BRF1: variants seen among roughly 807,000 people sequenced by gnomAD.
BRF1 encodes transcription factor IIIB 90 kDa subunit.
In BRF1, 59 loss-of-function variants were observed where a neutral mutation model predicts 81.7. The ratio of observed to expected loss-of-function variants is 0.72; its 90% confidence interval spans 0.59 to 0.90. The LOEUF is 0.90. BRF1 is among the 40% of genes least tolerant of loss of function. The probability of loss-of-function intolerance (pLI) is 0.00; values close to 1 mark genes in which losing one functional copy is unlikely to be tolerated. For synonymous variants in BRF1, 491 were observed against 395.6 expected (o/e 1.24, Z -2.86); for missense variants, 1,050 against 936.3 (o/e 1.12, Z -1.58).
intron 5 of BRF1, among the ~76,000 whole-genome samples, chr14:105,245,234 G>A (rs2055002511): frequency 6.6e-6 from 1 of 152,110 alleles, no homozygotes; most frequent in South Asian, 2.1e-4. Context: ...GGTGGCAAGT[G>A]CCTGTAATCC....
At chr14:105,259,919 A>C (rs2056066754) in intron 3 of BRF1, among the ~76,000 whole-genome samples, 1 of 152,158 alleles carries the variant, frequency 6.6e-6, no homozygotes, top group African/African-American at 2.4e-5. Flanking sequence ...ACCAAAAAAA[A>C]AAGCATGTGA....
At chr14:105,221,593 G>C (rs751192872) in intron 11 of BRF1, 55 bp downstream of exon 11, 1 of 1,572,390 alleles carries the variant, frequency 6.4e-7, no homozygotes, top group African/African-American at 1.4e-5. Flanking sequence ...AGAGGCACAC[G>C]CCTGAAAGAT....
intron 8 of BRF1, 98 bp downstream of exon 8, chr14:105,226,536 T>TGGGATGG: frequency 6.3e-7 from 1 of 1,575,968 alleles, no homozygotes; most frequent in Admixed American, 1.8e-5. Context: ...TATGAGGCTT[T>TGGGATGG]GGGATGGCAC....
intron 12 of BRF1, 161 bp downstream of exon 12, chr14:105,219,908 G>A (rs587708812): frequency 2.3e-5 from 17 of 740,380 alleles, no homozygotes; most frequent in East Asian, 5.4e-5. Context: ...GTGTGGGGGG[G>A]GGTCCCGGGA....
rs34254291 is a variant in BRF1, at chr14:105,219,024, C to T, written c.1489G>A (p.Glu497Lys). 19 of 1,613,780 alleles carry T rather than the reference C, an allele frequency of 1.2e-5. No homozygotes were observed. The highest frequency in any genetic ancestry group is 1.6e-5 in the Non-Finnish European group (19 of 1,180,014). ...EKEARIAKEK[E>K]LGIYKEHKPK... ...TTGTGTTCCTTGTAGATGCCGAGCTCCTTCTCTTTCGCTATTCTTGCTTCT... is the reference window on the plus strand; with the variant it reads ...TTGTGTTCCTTGTAGATGCCGAGCTTCTTCTCTTTCGCTATTCTTGCTTCT... Residue 497 changes from glutamate (E) to lysine (K), a missense_variant, in exon 14 of 18, where the codon GAG (glutamate) becomes AAG (lysine). Physicochemically the swap from Glu to Lys is moderately conservative, Grantham distance 56. Transcript: ENST00000547530.
chr14:105,215,388 T>G (rs1476112075), intron 15 of BRF1, among the ~76,000 whole-genome samples: 2 of 150,532 alleles, frequency 1.3e-5, no homozygotes, highest in East Asian at 4.0e-4. Context: ...ACACCTGCAT[T>G]TGCACACAAA....
Position 105,220,148 on chromosome 14 carries a change from A to T in BRF1, c.1316-18T>A, listed in dbSNP as rs772374005. 6.2e-7 allele frequency: 1 copy of T among 1,613,204 alleles called. No individual in the cohort carries two copies. Among genetic ancestry groups the T allele is most frequent in the African/African-American group, 1.3e-5 (1 of 75,058 alleles). ...AGCATCTTCTGGAGGGAAGCACAGC[A>T]TCCGCGTCACTCAGGGCCAGCACTG... On this transcript the variant is annotated intron_variant, in intron 11 of 17. Transcript: ENST00000547530.
intron 4 of BRF1, among the ~76,000 whole-genome samples, chr14:105,255,217 A>G (rs1195454563): frequency 1.3e-5 from 2 of 152,260 alleles, no homozygotes; most frequent in Admixed American, 6.5e-5. Context: ...TTCCCTGGGA[A>G]GTCGTGGGGT....
intron 2 of BRF1, among the ~76,000 whole-genome samples, chr14:105,275,744 A>T (rs2056855709): frequency 6.6e-6 from 1 of 152,254 alleles, no homozygotes; most frequent in Admixed American, 6.5e-5. Flanking sequence ...TCTGACTCCT[A>T]AAATTCCTAT....
chr14:105,214,558 A>C (rs1021050370), intron 15 of BRF1, among the ~76,000 whole-genome samples: 1 of 151,718 alleles, frequency 6.6e-6, no homozygotes, highest in African/African-American at 2.4e-5. Flanking sequence ...TGAGTGGCCC[A>C]GCTCAGGTTC....
intron 1 of BRF1, among the ~76,000 whole-genome samples, chr14:105,288,281 T>C (rs1566867800): frequency 6.6e-6 from 1 of 151,442 alleles, no homozygotes; most frequent in Non-Finnish European, 1.5e-5. Flanking sequence ...GGTGAAACTC[T>C]GTCTCTACTA....
At chr14:105,251,398 C>T (rs977512622) in intron 5 of BRF1, among the ~76,000 whole-genome samples, 3 of 152,208 alleles carry the variant, frequency 2.0e-5, no homozygotes, top group African/African-American at 7.2e-5. Flanking sequence ...GTTCTGGACC[C>T]TGGGGACTGT....
chr14:105,314,227 G>A lies in BRF1; in HGVS notation c.-162+1095C>T, dbSNP rs192761952. On this transcript the variant is annotated intron_variant, in intron 1 of 17. Transcript: ENST00000327359. Reference sequence around the variant, plus strand: ...GGGGACGGGCGGGGCCCGCACAGCCGGGCCAACCCAGCGGGGGTCGGCAGG... The same window carrying A: ...GGGGACGGGCGGGGCCCGCACAGCCAGGCCAACCCAGCGGGGGTCGGCAGG... Among the ~76,000 whole-genome samples, 6,283 of 151,944 alleles carry A rather than the reference G, an allele frequency of 0.041. 484 individuals carry two copies. The highest frequency in any genetic ancestry group is 0.14 in the African/African-American group (5,915 of 41,440).
rs760245832 is a variant in BRF1, at chr14:105,272,808, C to T, written c.352G>A (p.Val118Met). The T allele has an allele frequency of 8.1e-6, 13 of 1,614,044 alleles. No individual in the cohort carries two copies. The highest frequency in any genetic ancestry group is 1.3e-5 in the African/African-American group (1 of 75,052). Residue 118 changes from valine (V) to methionine (M), a missense_variant, in exon 3 of 18, where the codon GTG becomes ATG. Transcript: ENST00000547530. ...DTAFNFFKMA[V>M]SRHLTRGRKM... ...CGGCCGCGGGTCAGGTGCCTGCTCA[C>T]GGCCATCTTGAAGAAGTTGAAGGCG...
In BRF1 at chr14:105,226,281, C is replaced by T. The variant is rs773221690; in HGVS notation, c.925G>A (p.Val309Ile). 1 of 1,614,040 alleles carries T rather than the reference C, an allele frequency of 6.2e-7. No homozygotes were observed. Among genetic ancestry groups the T allele is most frequent in the South Asian group, 1.1e-5 (1 of 91,084 alleles). The change falls in exon 9 of 18, where the codon GTC (valine) becomes ATC (isoleucine). Residue 309 changes from valine to isoleucine, a missense_variant. By Grantham distance (29) the Val-to-Ile change is conservative (BLOSUM62 3). This residue lies in a region of BRF1 where 1,043 missense variants were observed against 915.4 expected (regional missense o/e 1.14). Transcript: ENST00000547530. The part of the protein sequence containing the change: ...RKLRMKQLEQ[V>I]LSKKLEEVEG... ...ACCTCCTCCAGTTTTTTTGACAGGA[C>T]TTGTTCAAGCTGAAAGGGAACAGGG...
At chr14:105,314,257 A>G (rs1438146263) in intron 1 of BRF1, among the ~76,000 whole-genome samples, 1 of 151,266 alleles carries the variant, frequency 6.6e-6, no homozygotes. Flanking sequence ...GGCAGGAGAC[A>G]AGGGGCGGCG....
In BRF1 at chr14:105,210,514, C is replaced by T. The variant is rs375980910; in HGVS notation, c.*37G>A. The T allele has an allele frequency of 3.7e-5, 60 of 1,607,658 alleles. No individual in the cohort carries two copies. The highest frequency in any genetic ancestry group is 4.8e-5 in the Non-Finnish European group (57 of 1,179,312). On this transcript the variant is annotated 3_prime_UTR_variant, in exon 18 of 18. Transcript: ENST00000547530. This position sits in a 1 kb window ranked among gnomAD's most constrained non-coding sequence, Gnocchi z 4.7. Reference sequence around the variant, plus strand: ...TCTGATGCTGAGGAGACCCGCGAGGCCCCCTGCCAGGACATCACCTGCCTG... The same window carrying T: ...TCTGATGCTGAGGAGACCCGCGAGGTCCCCTGCCAGGACATCACCTGCCTG...
upstream of BRF1, among the ~76,000 whole-genome samples, chr14:105,303,465 G>C (rs1435557897): frequency 6.6e-6 from 1 of 151,886 alleles, no homozygotes; most frequent in Non-Finnish European, 1.5e-5. Context: ...GGATGGTCTT[G>C]ATCTCCTGAC....
At chr14:105,257,470 C>G (rs1595404504) in intron 3 of BRF1, among the ~76,000 whole-genome samples, 1 of 152,220 alleles carries the variant, frequency 6.6e-6, no homozygotes, top group East Asian at 1.9e-4. Context: ...CCATGCAGAA[C>G]AGCAAGGCCT....
Sources: allele counts gnomAD v4.1 joint callset (sites outside exome capture counted in the v4.1 genomes callset), GRCh38; gene constraint gnomAD v4.1.1; regional missense constraint gnomAD v4.1.1; non-coding constraint Gnocchi (gnomAD v3.1); transcripts MANE v1.5; gene names NCBI Gene and HGNC (gene_info 2026-07-23, HGNC 2026-07-21).